Variants in EPG5 observed in about 807,000 individuals in gnomAD.
The protein encoded by EPG5 is ectopic P-granules 5 autophagy tethering factor, also known as ectopic P granules protein 5 homolog.
A neutral mutation model predicts 302.7 loss-of-function variants in EPG5; 159 were observed. The ratio of observed to expected loss-of-function variants is 0.53; its 90% CI spans 0.46 to 0.60. The LOEUF is 0.60. EPG5 is among the 20% of genes least tolerant of loss of function. EPG5 has a pLI of 0.00. For synonymous variants in EPG5, 1,158 were observed against 1,136.8 expected (o/e 1.02, Z -0.37); for missense variants, 2,896 against 3,092.4 (o/e 0.94, Z 1.51).
At chr18:45,948,773 C>G (rs954328001) in intron 5 of EPG5, among the ~76,000 whole-genome samples, 197 bp from the exon 6 acceptor site, 1 of 152,148 alleles carries the variant, frequency 6.6e-6, no homozygotes, top group African/African-American at 2.4e-5. Context: ...GCAGAGGTAA[C>G]TGAGCAGTTT....
At chr18:45,825,099 G>A in the EPG5 span, among the ~76,000 whole-genome samples, 3 of 137,286 alleles carry the variant, frequency 2.2e-5, no homozygotes, top group African/African-American at 7.9e-5. Context: ...CAGGCCCAGA[G>A]ACCCAACCTA....
At chr18:45,872,021 C>T (rs1322201545) in intron 35 of EPG5, among the ~76,000 whole-genome samples, 1 of 152,188 alleles carries the variant, frequency 6.6e-6, no homozygotes, top group Non-Finnish European at 1.5e-5. Flanking sequence ...CTGTAAATCA[C>T]ACTGTACCCA....
chr18:45,854,136 CA>C (rs1313874167), intron 43 of EPG5, among the ~76,000 whole-genome samples: 1 of 152,196 alleles, frequency 6.6e-6, no homozygotes, highest in Non-Finnish European at 1.5e-5. Flanking sequence ...CCCTGCATCT[CA>C]CTGACTTCAC....
chr18:45,816,289 A>G, the EPG5 span, among the ~76,000 whole-genome samples: 40 of 152,352 alleles, frequency 2.6e-4, 1 homozygote, highest in South Asian at 5.4e-3. Flanking sequence ...AATAGCTTGG[A>G]CTTAATTAAA....
At chr18:45,814,207 C>T in the EPG5 span, among the ~76,000 whole-genome samples, 5 of 152,254 alleles carry the variant, frequency 3.3e-5, no homozygotes, top group South Asian at 1.0e-3. Context: ...AAGGACACAA[C>T]ATCACTTTTA....
intron 24 of EPG5, among the ~76,000 whole-genome samples, chr18:45,905,343 T>G (rs139595615): frequency 6.6e-6 from 1 of 152,196 alleles, no homozygotes; most frequent in Non-Finnish European, 1.5e-5. Context: ...AACCAAAAAA[T>G]GTCCTTGGCT....
chr18:45,865,797 C>T (rs751108096), intron 38 of EPG5, 38 bp from the exon 39 acceptor site: 3 of 1,590,108 alleles, frequency 1.9e-6, no homozygotes, highest in South Asian at 1.1e-5. Context: ...TCAAATGAAT[C>T]CAAGCAAGGA....
intron 32 of EPG5, among the ~76,000 whole-genome samples, 184 bp downstream of exon 32, chr18:45,879,891 T>TA (rs1686004716): frequency 1.3e-5 from 2 of 152,014 alleles, no homozygotes; most frequent in Admixed American, 6.5e-5. Context: ...GGGCAAGAAT[T>TA]AGACTCAGGG....
intron 39 of EPG5, among the ~76,000 whole-genome samples, chr18:45,864,672 C>T (rs1191146181): frequency 6.6e-6 from 1 of 152,180 alleles, no homozygotes; most frequent in Non-Finnish European, 1.5e-5. Flanking sequence ...CAAACAGGAG[C>T]TATGGTTGCT....
In EPG5 at chr18:45,948,498, C is replaced by A; in HGVS notation, c.1571+5G>T. 6.2e-7 allele frequency: 1 copy of A among 1,611,058 alleles called. No homozygotes were observed. The highest frequency in any genetic ancestry group is 1.1e-5 in the South Asian group (1 of 91,024). The stretch of plus-strand genomic sequence containing the variant: ...CTCTACTTCACAAAGCTCTTGCACA[C>A]TTACTTGACAGGAGACATCAGCAGG... On this transcript the variant is annotated splice_donor_5th_base_variant and intron_variant, in intron 6 of 43. Transcript: ENST00000282041.
chr18:45,837,151 C>T, the EPG5 span: 76 of 1,597,260 alleles, frequency 4.8e-5, no homozygotes, highest in African/African-American at 9.8e-4. Flanking sequence ...ACCACGAGAT[C>T]CCAGGGTTTT....
chr18:45,847,035 G>A (rs2048370949), downstream of EPG5, among the ~76,000 whole-genome samples: 1 of 152,128 alleles, frequency 6.6e-6, no homozygotes, highest in African/African-American at 2.4e-5. Flanking sequence ...TCAATCTTGT[G>A]GTTCCATCTG....
chr18:45,960,667 C>A (rs549940964), intron 1 of EPG5, among the ~76,000 whole-genome samples: 7 of 151,666 alleles, frequency 4.6e-5, no homozygotes, highest in South Asian at 2.1e-4. Flanking sequence ...GGGAAAAAAA[C>A]CTAAAGAAAA....
At chr18:45,837,977 G>A in the EPG5 span, 1 of 1,391,090 alleles carries the variant, frequency 7.2e-7, no homozygotes, top group Non-Finnish European at 9.3e-7. Context: ...GTGGGTGCCA[G>A]GCGCTGTGCT....
chr18:45,878,073 C>T (rs958452814), intron 34 of EPG5, among the ~76,000 whole-genome samples: 1 of 152,140 alleles, frequency 6.6e-6, no homozygotes, highest in Non-Finnish European at 1.5e-5. Context: ...AACCCTCAAG[C>T]GAACAGCATC....
chr18:45,923,267 C>G lies in EPG5; in HGVS notation c.2838+1G>C. On this transcript the variant is annotated splice_donor_variant, in intron 15 of 43. Transcript: ENST00000282041. LOFTEE classifies it high-confidence loss of function. ...TTCCAAATCAGAAGAGAAGGAAATA[C>G]CTGCTTCATACTTTCAGAGAGAATC... 2 of 1,612,554 alleles carry G rather than the reference C, an allele frequency of 1.2e-6. No individual in the cohort carries two copies. The highest frequency in any genetic ancestry group is 1.7e-6 in the Non-Finnish European group (2 of 1,179,556).
At chr18:45,942,925 C>T (rs2050702883) in intron 9 of EPG5, among the ~76,000 whole-genome samples, 1 of 152,182 alleles carries the variant, frequency 6.6e-6, no homozygotes, top group African/African-American at 2.4e-5. Flanking sequence ...TTGGGGATCT[C>T]AACTCCAAGA....
At chr18:45,822,844 T>C in the EPG5 span, among the ~76,000 whole-genome samples, 3 of 151,940 alleles carry the variant, frequency 2.0e-5, no homozygotes, top group African/African-American at 7.3e-5. Context: ...AGGCTGCAAG[T>C]GGGGTATACT....
intron 31 of EPG5, among the ~76,000 whole-genome samples, chr18:45,880,952 T>C (rs925399380): frequency 6.6e-6 from 1 of 152,154 alleles, no homozygotes; most frequent in Non-Finnish European, 1.5e-5. Context: ...GGTCTGGATC[T>C]TAGGACAGCG....
Sources: allele counts gnomAD v4.1 joint callset (sites outside exome capture counted in the v4.1 genomes callset), GRCh38; gene constraint gnomAD v4.1.1; transcripts MANE v1.5; gene names NCBI Gene and HGNC (gene_info 2026-07-23, HGNC 2026-07-21).